The following FTO variants were observed in gnomAD, a reference collection of about 807,000 sequenced individuals.
FTO encodes alpha-ketoglutarate-dependent dioxygenase FTO.
A neutral mutation model predicts 63.9 loss-of-function variants in FTO; 47 were observed. That is an observed-to-expected ratio of 0.74 (90% CI 0.58 to 0.94). FTO has a LOEUF of 0.94. Ranked by LOEUF, FTO falls within the 40% of genes least tolerant of loss-of-function variation. FTO has a pLI of 0.00. For missense variants in FTO, 562 were observed against 618.1 expected (o/e 0.91, Z 0.96); for synonymous variants, 207 against 224.4 (o/e 0.92, Z 0.69).
intron 1 of FTO, among the ~76,000 whole-genome samples, chr16:53,803,550 T>A (rs1004122067): frequency 2.0e-5 from 3 of 152,178 alleles, no homozygotes; most frequent in East Asian, 1.9e-4. Flanking sequence ...TAAAAACTTT[T>A]AAAAAAATGT....
At chr16:53,800,472 G>A (rs2078190952) in intron 1 of FTO, among the ~76,000 whole-genome samples, 1 of 152,106 alleles carries the variant, frequency 6.6e-6, no homozygotes, top group East Asian at 1.9e-4. Context: ...TTGTTTGGTG[G>A]AGTGCTATCT....
At chr16:53,854,652 T>C (rs1164632348) in intron 4 of FTO, among the ~76,000 whole-genome samples, 1 of 152,202 alleles carries the variant, frequency 6.6e-6, no homozygotes, top group East Asian at 1.9e-4. Flanking sequence ...TATCTACTTT[T>C]ATACCAGTAC....
intron 7 of FTO, among the ~76,000 whole-genome samples, chr16:53,925,972 G>A (rs554424502): frequency 1.3e-5 from 2 of 152,186 alleles, no homozygotes; most frequent in Non-Finnish European, 2.9e-5. Context: ...CTCTCTGGCT[G>A]TGGATTTTTT....
At chr16:54,060,598 A>G (rs1177252484) in intron 8 of FTO, among the ~76,000 whole-genome samples, 1 of 152,234 alleles carries the variant, frequency 6.6e-6, no homozygotes, top group Non-Finnish European at 1.5e-5. Flanking sequence ...ACACTATTCT[A>G]TAGACACAAA....
chr16:53,855,755 T>A (rs1337765272), intron 4 of FTO, among the ~76,000 whole-genome samples: 5 of 152,220 alleles, frequency 3.3e-5, no homozygotes, highest in Non-Finnish European at 7.3e-5. Context: ...CTTCTTTTCC[T>A]TACATCTAGT....
At chr16:53,745,263 G>A (rs1293896559) in intron 1 of FTO, among the ~76,000 whole-genome samples, 1 of 152,114 alleles carries the variant, frequency 6.6e-6, no homozygotes, top group Admixed American at 6.5e-5. Context: ...CGGCTCTAAG[G>A]AATGACTTCT....
At chr16:54,051,915 T>G (rs1029627037) in intron 8 of FTO, among the ~76,000 whole-genome samples, 15 of 152,202 alleles carry the variant, frequency 9.9e-5, no homozygotes, top group African/African-American at 3.6e-4. Flanking sequence ...TTTCAGAGAT[T>G]AGAAGTTCTG....
intron 5 of FTO, among the ~76,000 whole-genome samples, chr16:53,877,835 CT>C (rs1010359061): frequency 6.6e-6 from 1 of 152,034 alleles, no homozygotes; most frequent in African/African-American, 2.4e-5. Flanking sequence ...ACCCCTCTCT[CT>C]TTTTGTTTTC....
intron 6 of FTO, among the ~76,000 whole-genome samples, chr16:53,884,560 A>G (rs139886966): frequency 2.0e-4 from 30 of 152,340 alleles, no homozygotes; most frequent in African/African-American, 7.0e-4. Context: ...AGGGAGCTCT[A>G]TGGCTGACTT....
At chr16:53,786,766 G>A (rs2077750498) in intron 1 of FTO, among the ~76,000 whole-genome samples, 1 of 152,094 alleles carries the variant, frequency 6.6e-6, no homozygotes. Flanking sequence ...CTACTGTTTG[G>A]ACATAAGATG....
chr16:53,891,870 C>T (rs984346767), intron 7 of FTO, among the ~76,000 whole-genome samples: 6 of 152,096 alleles, frequency 3.9e-5, no homozygotes, highest in East Asian at 1.9e-4. Flanking sequence ...AGCAATTCTG[C>T]GAACTCTCTG....
chr16:53,925,946 G>T (rs1412073504), intron 7 of FTO, among the ~76,000 whole-genome samples: 1 of 151,698 alleles, frequency 6.6e-6, no homozygotes, highest in Non-Finnish European at 1.5e-5. Flanking sequence ...TTTGCATTCA[G>T]TCTCTCTCTC....
At chr16:53,984,372 G>C (rs141301713) in intron 8 of FTO, among the ~76,000 whole-genome samples, 79 of 133,492 alleles carry the variant, frequency 5.9e-4, no homozygotes, top group African/African-American at 2.1e-3. Context: ...GCCCAGGCTG[G>C]AATACAATGA....
intron 5 of FTO, among the ~76,000 whole-genome samples, chr16:53,877,453 T>A (rs1303206906): frequency 1.3e-5 from 2 of 152,216 alleles, no homozygotes; most frequent in African/African-American, 4.8e-5. Context: ...AGATACATAT[T>A]ATATAATTCA....
At chr16:54,077,078 A>G (rs1170785485) in intron 8 of FTO, among the ~76,000 whole-genome samples, 1 of 152,170 alleles carries the variant, frequency 6.6e-6, no homozygotes, top group Admixed American at 6.5e-5. Flanking sequence ...ATATAAAGGA[A>G]CTCCAGGCTA....
chr16:54,065,295 T>C (rs2144412807), intron 8 of FTO, among the ~76,000 whole-genome samples: 1 of 152,032 alleles, frequency 6.6e-6, no homozygotes, highest in South Asian at 2.1e-4. Flanking sequence ...TAGCTGGGAC[T>C]AGGGACTACA....
intron 6 of FTO, among the ~76,000 whole-genome samples, chr16:53,881,609 ATCAGTTGCAAT>A (rs956105906): frequency 6.6e-6 from 1 of 152,200 alleles, no homozygotes; most frequent in African/African-American, 2.4e-5. Flanking sequence ...CACTGATGAA[ATCAGTTGCAAT>A]TCTGCAGTCT....
chr16:53,906,116 A>T (rs1477699979), intron 7 of FTO, among the ~76,000 whole-genome samples: 1 of 152,260 alleles, frequency 6.6e-6, no homozygotes, highest in African/African-American at 2.4e-5. Flanking sequence ...AGCTCCAGGC[A>T]TCGGGGTTCA....
chr16:54,063,362 G>A (rs922292909), intron 8 of FTO, among the ~76,000 whole-genome samples: 10 of 152,236 alleles, frequency 6.6e-5, no homozygotes, highest in Middle Eastern at 3.4e-3. Flanking sequence ...TCTGCTTTTC[G>A]TCAATGAAAG....
Sources: allele counts gnomAD v4.1 joint callset (sites outside exome capture counted in the v4.1 genomes callset), GRCh38; gene constraint gnomAD v4.1.1; transcripts MANE v1.5; gene names NCBI Gene and HGNC (gene_info 2026-07-23, HGNC 2026-07-21).